The following GBGT1 variants were observed in gnomAD, a reference collection of about 807,000 sequenced individuals.
The protein encoded by GBGT1 is globoside alpha-1,3-N-acetylgalactosaminyltransferase 1 (FORS blood group).
A neutral mutation model predicts 20.9 loss-of-function variants in GBGT1; 18 were observed. That is an observed-to-expected ratio of 0.86 (90% CI 0.60 to 1.28). The LOEUF is 1.28. Among genes scored for constraint, GBGT1 ranks in the 50% most tolerant of loss-of-function variants. The pLI is 0.00. For missense variants in GBGT1, 432 were observed against 455.7 expected, an observed-to-expected ratio of 0.95 and a Z score of 0.47; for synonymous variants, 168 against 180.8, an observed-to-expected ratio of 0.93 and a Z score of 0.57.
rs149262357 is a variant in GBGT1, at chr9:133,155,264, G to A, written c.273C>T (p.Ser91=). ...TLTPWLAPIV[S]EGTFNPELLQ... ...GAAGCTCTGGGTTGAAGGTTCCCTC[G>A]GAGACGATGGGCGCCAACCAGGGTG... is the stretch of plus-strand genomic sequence containing the variant. The change falls in exon 6 of 7, where the codon TCC becomes TCT. Residue 91 remains serine, a synonymous_variant. Coordinates refer to ENST00000372040, the MANE Select transcript of GBGT1 (RefSeq NM_021996.6). 43 of 1,613,826 alleles carry A rather than the reference G, an allele frequency of 2.7e-5. No individual in the cohort carries two copies. Among genetic ancestry groups the A allele is most frequent in the African/African-American group, 4.0e-5 (3 of 74,870 alleles).
rs1833033513 is a variant in GBGT1, at chr9:133,161,220, T to C, written c.137+247A>G. 7 of 470,986 alleles carry C rather than the reference T, an allele frequency of 1.5e-5. No homozygotes were observed. The South Asian group carries it at 3.2e-4, about 21-fold the overall frequency. The allele number at this position is 470,986 out of a possible 1,614,324, so 29.2% of individuals were successfully genotyped here. A position where few individuals can be genotyped will look rare whatever the true frequency, so the allele number is the denominator to read the frequency against. Reference sequence around the variant, plus strand: ...AGTGGCCAGACACAGCAAGCAAGGCTCACAGCTGTGCAACATGTGGACGGT... The same window carrying C: ...AGTGGCCAGACACAGCAAGCAAGGCCCACAGCTGTGCAACATGTGGACGGT... On this transcript the variant is annotated intron_variant, in intron 3 of 6. Coordinates refer to ENST00000372040, the MANE Select transcript of GBGT1 (RefSeq NM_021996.6).
At chr9:133,160,215 G>T (rs1319610603) in intron 3 of GBGT1, 1 of 312,028 alleles carries the variant, frequency 3.2e-6, no homozygotes, top group Non-Finnish European at 6.8e-6. Flanking sequence ...GGAGGTGGAG[G>T]TTGCAATGAG....
intron 3 of GBGT1, chr9:133,160,156 G>T: frequency 2.8e-6 from 1 of 355,896 alleles, no homozygotes; most frequent in Non-Finnish European, 5.7e-6. Flanking sequence ...GTGTGTGCCT[G>T]TAATCCCAGC....
At chr9:133,156,614 C>T (rs951671895) in intron 3 of GBGT1, among the ~76,000 whole-genome samples, 51 of 151,716 alleles carry the variant, frequency 3.4e-4, no homozygotes, top group African/African-American at 1.0e-3. Flanking sequence ...GAGCCGAGAT[C>T]GCACCATTGC....
chr9:133,157,151 G>T (rs888714734), intron 3 of GBGT1, among the ~76,000 whole-genome samples: 2 of 152,138 alleles, frequency 1.3e-5, no homozygotes, highest in Non-Finnish European at 2.9e-5. Context: ...GGGTATGGTG[G>T]TGTGCACCTG....
intron 3 of GBGT1, chr9:133,161,143 C>A: frequency 5.0e-6 from 2 of 403,118 alleles, no homozygotes; most frequent in South Asian, 2.3e-4. Flanking sequence ...CCCTGCTGGT[C>A]ACCGGGAGCA....
Position 133,154,045 on chromosome 9 carries a change from A to G in GBGT1, c.576T>C (p.Ala192=). ...RRMETISQHI[A]KRAHREVDYL... is the part of the protein sequence containing the mutation. ...AGTCCACCTCCCGGTGAGCCCTCTT[A>G]GCAATGTGCTGGCTGATGGTCTCCA... Residue 192 remains alanine, a synonymous_variant, in exon 7 of 7, where the codon GCT becomes GCC. Coordinates refer to ENST00000372040, the MANE Select transcript of GBGT1 (RefSeq NM_021996.6). This position sits in a 1 kb window ranked among gnomAD's most constrained non-coding sequence, Gnocchi z 4.2. 1.9e-6 allele frequency: 3 copies of G among 1,613,758 alleles called. No individual in the cohort carries two copies. The highest frequency in any genetic ancestry group is 2.2e-5 in the South Asian group (2 of 91,090).
In GBGT1 at chr9:133,154,969, TG is replaced by T. The variant is rs1007654394; in HGVS notation, c.359+208del. ...GTCCCCTCACCTGGACTCTGCATCC[TG>T]TCTATGCTAGAGCCAGATCCCCTAC... On this transcript the variant is annotated intron_variant, in intron 6 of 6. Transcript: ENST00000372040. This position sits in a 1 kb window ranked among gnomAD's most constrained non-coding sequence, Gnocchi z 4.2. 1.8e-6 allele frequency: 1 copy of T among 542,270 alleles called. No homozygotes were observed. Among genetic ancestry groups the T allele is most frequent in the African/African-American group, 1.9e-5 (1 of 52,904 alleles). The allele number at this position is 542,270 out of a possible 1,614,324, so 33.6% of individuals were successfully genotyped here.
rs1832859432 is a variant in GBGT1, at chr9:133,155,995, G to T, written c.188+20C>A. On this transcript the variant is annotated intron_variant, in intron 4 of 6. Transcript: ENST00000372040. Reference sequence around the variant, plus strand: ...CCACCACCCTCACGGCCACAAAAGAGGAAATGCCAGTCTCCTTACCATACC... The same window carrying T: ...CCACCACCCTCACGGCCACAAAAGATGAAATGCCAGTCTCCTTACCATACC... The T allele has an allele frequency of 6.2e-7, 1 of 1,613,996 alleles. No individual in the cohort carries two copies. Among genetic ancestry groups the T allele is most frequent in the South Asian group, 1.1e-5 (1 of 91,088 alleles).
intron 3 of GBGT1, chr9:133,161,051 G>A (rs1043194479): frequency 3.3e-5 from 13 of 394,012 alleles, no homozygotes; most frequent in Non-Finnish European, 4.5e-5. Flanking sequence ...GGAGGACTTT[G>A]GTCACATGTT....
intron 3 of GBGT1, among the ~76,000 whole-genome samples, chr9:133,157,110 C>T (rs1832893661): frequency 6.6e-6 from 1 of 152,122 alleles, no homozygotes; most frequent in African/African-American, 2.4e-5. Context: ...ATGGCAAGAC[C>T]TCATCTCTAC....
In GBGT1 at chr9:133,153,724, G is replaced by A; in HGVS notation, c.897C>T (p.Ser299=). The part of the protein sequence containing the change: ...NGIMAAWREE[S]HLNRHFISNK... ...TTGAGATGAAGTGACGGTTCAGGTG[G>A]CTTTCCTCCCGCCAGGCAGCCATGA... is the stretch of plus-strand genomic sequence containing the variant. Residue 299 remains serine (S), a synonymous_variant, in exon 7 of 7, where the codon AGC becomes AGT. Coordinates refer to ENST00000372040, the MANE Select transcript of GBGT1 (RefSeq NM_021996.6). 6.2e-7 allele frequency: 1 copy of A among 1,613,808 alleles called. No homozygotes were observed. The highest frequency in any genetic ancestry group is 8.5e-7 in the Non-Finnish European group (1 of 1,179,910).
chr9:133,155,963 A>C, intron 4 of GBGT1, 27 bp from the exon 5 acceptor site: 1 of 1,613,040 alleles, frequency 6.2e-7, no homozygotes, highest in Middle Eastern at 1.7e-4. Flanking sequence ...CCAGTGATGG[A>C]GGAGAGCCAC....
At position 133,153,674 on chromosome 9, in the gene GBGT1, G is replaced by C; in HGVS notation, c.947C>G (p.Pro316Arg). 6.2e-7 allele frequency: 1 copy of C among 1,613,452 alleles called. No homozygotes were observed. The highest frequency in any genetic ancestry group is 8.5e-7 in the Non-Finnish European group (1 of 1,179,688). Residue 316 changes from proline to arginine, a missense_variant, in exon 7 of 7, where the codon CCC becomes CGC. Coordinates refer to ENST00000372040, the MANE Select transcript of GBGT1 (RefSeq NM_021996.6). ...CTTCCTGTCGTCCCAGAGGTACTCG[G>C]GGGACAGCACCTTGGACGGCTTGTT... is the stretch of plus-strand genomic sequence containing the variant. The part of the protein sequence containing the change: ...ISNKPSKVLS[P>R]EYLWDDRKPQ...
In GBGT1 at chr9:133,155,927, G is replaced by T. The variant is rs370102294; in HGVS notation, c.198C>A (p.Tyr66Ter). ...KPLQPVVWSQ[Y>*]PQPKLLEHRP... ...TGTGCTCCAGCAGCTTGGGCTGAGG[G>T]TACTGTGACCTGCAACCAAGAAGGA... Residue 66 changes from tyrosine to a stop codon, truncating the protein, a stop_gained, in exon 5 of 7, where the codon TAC becomes TAA. Transcript: ENST00000372040. LOFTEE classifies it high-confidence loss of function. The T allele has an allele frequency of 1.7e-5, 27 of 1,614,028 alleles. No homozygotes were observed. In the African/African-American group the frequency reaches 3.2e-4, roughly 19 times the overall value.
chr9:133,153,814 C>T lies in GBGT1; in HGVS notation c.807G>A (p.Val269=). 1.3e-6 allele frequency: 2 copies of T among 1,588,232 alleles called. No homozygotes were observed. Among genetic ancestry groups the T allele is most frequent in the Non-Finnish European group, 1.7e-6 (2 of 1,164,288 alleles). Residue 269 remains valine (V), a synonymous_variant, in exon 7 of 7, where the codon GTG becomes GTA. Transcript: ENST00000372040. ...CCCTAGTAAACTCATATACCCTGGC[C>T]ACCTGCCCCCCGAAGACTGCCCCAC... ...YYGGAVFGGQ[V]ARVYEFTRGC... is the part of the protein sequence containing the mutation.
intron 3 of GBGT1, among the ~76,000 whole-genome samples, chr9:133,157,873 G>A (rs1310789160): frequency 2.6e-5 from 4 of 152,226 alleles, no homozygotes; most frequent in Admixed American, 6.5e-5. Flanking sequence ...CCGGCCGGGC[G>A]TGGTGGCTCA....
intron 5 of GBGT1, 90 bp from the exon 6 acceptor site, chr9:133,155,402 G>C (rs1452352475): frequency 1.4e-5 from 21 of 1,493,740 alleles, no homozygotes; most frequent in Non-Finnish European, 1.8e-5. Context: ...GTGTGACCCG[G>C]GGCAGCTTCG....
At chr9:133,155,459 T>A in intron 5 of GBGT1, 147 bp from the exon 6 acceptor site, 1 of 867,806 alleles carries the variant, frequency 1.2e-6, no homozygotes, top group Non-Finnish European at 1.8e-6. Flanking sequence ...GTGGGGATAA[T>A]GATAGCCACC....
Sources: gnomAD v4.1 joint callset for allele counts (sites outside exome capture counted in the v4.1 genomes callset) on GRCh38, gnomAD v4.1.1 for gene constraint, Gnocchi (gnomAD v3.1) non-coding constraint, MANE v1.5 for transcripts, NCBI Gene and HGNC (gene_info 2026-07-23, HGNC 2026-07-21) for gene names.